The following CPEB1 variants were observed in gnomAD, a reference collection of about 807,000 sequenced individuals.
CPEB1 encodes the protein cytoplasmic polyadenylation element binding protein 1, also known as cytoplasmic polyadenylation element-binding protein 1.
A neutral mutation model predicts 65.8 loss-of-function variants in CPEB1; 7 were observed. That is an observed-to-expected ratio of 0.11 (90% CI 0.06 to 0.20). CPEB1 has a LOEUF of 0.20. Ranked by LOEUF, CPEB1 falls within the 10% of genes least tolerant of loss-of-function variation. The pLI, the probability that CPEB1 is intolerant of heterozygous loss-of-function variation, is 1.00. For missense variants in CPEB1, 551 were observed against 712.2 expected (o/e 0.77, Z 2.58); for synonymous variants, 262 against 260.0 (o/e 1.01, Z -0.08).
chr15:82,648,565 G>A (rs958190506), upstream of CPEB1: 2 of 152,320 alleles, frequency 1.3e-5, no homozygotes, highest in African/African-American at 4.8e-5. Flanking sequence ...CGGCGCTCCT[G>A]ACACACTGAG....
chr15:82,558,021 T>C (rs546304029), intron 4 of CPEB1, 35 bp from the exon 5 acceptor site: 3 of 1,445,098 alleles, frequency 2.1e-6, no homozygotes, highest in African/African-American at 1.4e-5. Context: ...CATGACCTCT[T>C]AGTTTTCTTT....
intron 3 of CPEB1, chr15:82,571,951 T>A: frequency 1.4e-6 from 1 of 737,408 alleles, no homozygotes; most frequent in Non-Finnish European, 1.7e-6. Flanking sequence ...CCCGGTGCAG[T>A]GCCGTTAAGT....
intron 3 of CPEB1, among the ~76,000 whole-genome samples, chr15:82,607,938 T>C (rs936044462): frequency 9.2e-5 from 14 of 152,218 alleles, no homozygotes; most frequent in Admixed American, 7.9e-4. Context: ...GAAACTGCCT[T>C]ACATGCTTAG....
chr15:82,636,948 G>A (rs1411579376), intron 1 of CPEB1, among the ~76,000 whole-genome samples: 1 of 152,112 alleles, frequency 6.6e-6, no homozygotes, highest in Non-Finnish European at 1.5e-5. Context: ...GGGATTTGGG[G>A]TTTTAGGTTT....
chr15:82,582,965 T>C (rs1006378832), intron 3 of CPEB1, among the ~76,000 whole-genome samples: 93 of 151,978 alleles, frequency 6.1e-4, no homozygotes, highest in African/African-American at 2.1e-3. Context: ...ATGGTCTTGA[T>C]CTCCTGACCT....
intron 3 of CPEB1, among the ~76,000 whole-genome samples, chr15:82,616,347 C>G (rs935541390): frequency 6.6e-6 from 1 of 151,770 alleles, no homozygotes; most frequent in Non-Finnish European, 1.5e-5. Flanking sequence ...TATAAAAACA[C>G]GGATGGGAAG....
chr15:82,605,869 T>C (rs991981152), intron 3 of CPEB1, among the ~76,000 whole-genome samples: 7 of 151,862 alleles, frequency 4.6e-5, no homozygotes, highest in Non-Finnish European at 1.0e-4. Context: ...AGAATCCCTG[T>C]CTCTACTAAA....
At chr15:82,612,464 T>C (rs1320398747) in intron 3 of CPEB1, among the ~76,000 whole-genome samples, 1 of 138,054 alleles carries the variant, frequency 7.2e-6, no homozygotes, top group East Asian at 2.1e-4. Flanking sequence ...ACTATTGCAT[T>C]CCAGCCTGGG....
At chr15:82,630,586 A>C (rs999567949) in intron 1 of CPEB1, among the ~76,000 whole-genome samples, 1 of 152,096 alleles carries the variant, frequency 6.6e-6, no homozygotes. Context: ...AGCATGGGTG[A>C]CAGAGCAAGA....
At chr15:82,584,022 G>A (rs1201946360) in intron 3 of CPEB1, among the ~76,000 whole-genome samples, 1 of 152,006 alleles carries the variant, frequency 6.6e-6, no homozygotes, top group African/African-American at 2.4e-5. Context: ...CACTTTGGGA[G>A]GTCGAGGCAG....
At chr15:82,612,827 C>CT (rs957106691) in intron 3 of CPEB1, among the ~76,000 whole-genome samples, 1 of 149,288 alleles carries the variant, frequency 6.7e-6, no homozygotes, top group African/African-American at 2.5e-5. Context: ...TAGTGAGACT[C>CT]TGTCTCAAAA....
At position 82,548,203 on chromosome 15, in the gene CPEB1, C is replaced by T. The variant is rs571349772; in HGVS notation, c.1481-966G>A. On this transcript the variant is annotated intron_variant, in intron 10 of 12. Transcript: ENST00000684509. Reference sequence around the variant, plus strand: ...TACAAAAATTAGCTGAGCGTGGTGGCGCACACCTGTAGTCCCAGCTACTCA... The same window carrying T: ...TACAAAAATTAGCTGAGCGTGGTGGTGCACACCTGTAGTCCCAGCTACTCA... 9.9e-5 allele frequency among the ~76,000 whole-genome samples: 15 copies of T among 152,006 alleles called. No homozygotes were observed. The South Asian group carries it at 2.3e-3, about 23-fold the overall frequency.
chr15:82,597,643 T>C (rs2042766511), intron 3 of CPEB1, among the ~76,000 whole-genome samples: 1 of 152,214 alleles, frequency 6.6e-6, no homozygotes, highest in Admixed American at 6.5e-5. Flanking sequence ...CAAGGCTCAC[T>C]AGCCACAGAA....
intron 3 of CPEB1, among the ~76,000 whole-genome samples, chr15:82,617,527 A>G (rs975855214): frequency 2.0e-5 from 3 of 152,160 alleles, no homozygotes; most frequent in Non-Finnish European, 4.4e-5. Flanking sequence ...CTGGTACAGA[A>G]AAAGCACATT....
intron 10 of CPEB1, among the ~76,000 whole-genome samples, chr15:82,548,165 T>C (rs1857636089): frequency 6.6e-6 from 1 of 151,984 alleles, no homozygotes; most frequent in African/African-American, 2.4e-5. Flanking sequence ...TGAAACCCCG[T>C]CTCTACTAAA....
intron 3 of CPEB1, among the ~76,000 whole-genome samples, chr15:82,610,905 C>T (rs1211972223): frequency 8.1e-6 from 1 of 122,840 alleles, no homozygotes; most frequent in African/African-American, 3.2e-5. Flanking sequence ...TTGTAGTGAG[C>T]CAAGATCACG....
At chr15:82,632,463 G>A (rs1230147886) in intron 1 of CPEB1, among the ~76,000 whole-genome samples, 3 of 151,820 alleles carry the variant, frequency 2.0e-5, no homozygotes, top group African/African-American at 7.3e-5. Context: ...TCAGATTTTG[G>A]AGCATTTCAG....
In CPEB1 at chr15:82,553,915, C is replaced by G; in HGVS notation, c.1017G>C (p.Lys339Asn). Reference protein sequence around the residue: ...RNYKNPIYSCKVFLGGVPWDI... With the variant: ...RNYKNPIYSCNVFLGGVPWDI... ...CCCAAGGAACACCTCCTAGAAACAC[C>G]TTGCAAGAGTAGATGGGGTTCTTAT... The change falls in exon 7 of 13, where the codon AAG (lysine) becomes AAC (asparagine). Residue 339 changes from lysine (K) to asparagine (N), a missense_variant. Physicochemically the swap from Lys to Asn is moderately conservative, Grantham distance 94. This residue lies in a region of CPEB1 where 99 missense variants were observed against 161.3 expected (regional missense o/e 0.61). Transcript: ENST00000684509. 1 of 1,613,026 alleles carries G rather than the reference C, an allele frequency of 6.2e-7. No individual in the cohort carries two copies. The highest frequency in any genetic ancestry group is 1.1e-5 in the South Asian group (1 of 90,918).
In CPEB1 at chr15:82,552,562, G is replaced by A. The variant is rs768534811; in HGVS notation, c.1199C>T (p.Ala400Val). The change falls in exon 9 of 13, where the codon GCT becomes GTT. Residue 400 changes from alanine (A) to valine (V), a missense_variant. Physicochemically the swap from Ala to Val is moderately conservative, Grantham distance 64. Coordinates refer to ENST00000684509, the MANE Select transcript of CPEB1 (RefSeq NM_001365242.1). ...TGGGCTCAGCGGGTCATGAGAGCAAGCCTGAAGCAAGGATCGGACAGACTT... is the reference window on the plus strand; with the variant it reads ...TGGGCTCAGCGGGTCATGAGAGCAAACCTGAAGCAAGGATCGGACAGACTT... ...LEKSVRSLLQ[A>V]CSHDPLSPDG... 1 of 1,613,568 alleles carries A rather than the reference G, an allele frequency of 6.2e-7. No individual in the cohort carries two copies. Among genetic ancestry groups the A allele is most frequent in the African/African-American group, 1.3e-5 (1 of 74,860 alleles).
Sources: gnomAD v4.1 joint callset for allele counts (sites outside exome capture counted in the v4.1 genomes callset) on GRCh38, gnomAD v4.1.1 for gene constraint, gnomAD v4.1.1 regional missense constraint, MANE v1.5 for transcripts, NCBI Gene and HGNC (gene_info 2026-07-23, HGNC 2026-07-21) for gene names.